USP34: variants seen among roughly 807,000 people sequenced by gnomAD.
USP34 encodes the protein ubiquitin carboxyl-terminal hydrolase 34.
In USP34, 70 loss-of-function variants were observed where a neutral mutation model predicts 460.3. The observed-to-expected ratio is 0.15, with a 90% CI of 0.13 to 0.19. The LOEUF (loss-of-function observed/expected upper bound fraction) is 0.19, where lower values mean the gene tolerates loss of function less well. Ranked by LOEUF, USP34 falls within the 10% of genes least tolerant of loss-of-function variation. USP34 has a pLI of 1.00. For missense variants in USP34, 3,985 were observed against 4,236.2 expected (o/e 0.94, Z 1.65); for synonymous variants, 1,647 against 1,405.3 (o/e 1.17, Z -3.85).
At chr2:61,256,627 T>G in intron 47 of USP34, 149 bp from the exon 48 acceptor site, 1 of 681,380 alleles carries the variant, frequency 1.5e-6, no homozygotes, top group Non-Finnish European at 2.3e-6. Flanking sequence ...AAAACTGTTT[T>G]TCCTCATATT....
At chr2:61,424,667 A>C (rs545851077) in intron 1 of USP34, among the ~76,000 whole-genome samples, 1 of 152,180 alleles carries the variant, frequency 6.6e-6, no homozygotes, top group East Asian at 1.9e-4. Flanking sequence ...CTTGAGCCCA[A>C]GAGTTCAACA....
At chr2:61,227,272 G>A in intron 61 of USP34, 54 bp from the exon 62 acceptor site, 1 of 1,539,028 alleles carries the variant, frequency 6.5e-7, no homozygotes, top group Non-Finnish European at 8.8e-7. Context: ...ATATCATTTT[G>A]AGAACAAATG....
At chr2:61,302,000 A>G (rs1690241937) in intron 27 of USP34, among the ~76,000 whole-genome samples, 2 of 152,204 alleles carry the variant, frequency 1.3e-5, no homozygotes, top group Non-Finnish European at 2.9e-5. Flanking sequence ...GAAAAAAAGG[A>G]AAGGGAAAAG....
intron 33 of USP34, among the ~76,000 whole-genome samples, chr2:61,291,375 C>T (rs532484548): frequency 6.6e-6 from 1 of 152,286 alleles, no homozygotes; most frequent in African/African-American, 2.4e-5. Context: ...CTTTGGTAAA[C>T]TGTTTGGAAA....
chr2:61,359,893 T>G (rs1157049687), intron 10 of USP34, among the ~76,000 whole-genome samples: 5 of 147,118 alleles, frequency 3.4e-5, no homozygotes, highest in Non-Finnish European at 7.5e-5. Context: ...CAAGCAATTC[T>G]CCTGTCTCAG....
At chr2:61,266,976 T>C (rs1420093679) in intron 41 of USP34, among the ~76,000 whole-genome samples, 1 of 152,178 alleles carries the variant, frequency 6.6e-6, no homozygotes, top group Non-Finnish European at 1.5e-5. Flanking sequence ...GCAACTATGG[T>C]GAGTTATCCA....
chr2:61,438,700 C>A (rs1422640993), intron 1 of USP34, among the ~76,000 whole-genome samples: 1 of 152,116 alleles, frequency 6.6e-6, no homozygotes, highest in Non-Finnish European at 1.5e-5. Flanking sequence ...ATGACAAACC[C>A]ACAGCTATCA....
At chr2:61,383,565 TG>T (rs1693041379) in intron 5 of USP34, among the ~76,000 whole-genome samples, 1 of 151,890 alleles carries the variant, frequency 6.6e-6, no homozygotes, top group African/African-American at 2.4e-5. Flanking sequence ...TAGCCGGGCA[TG>T]GTGGCGCGCA....
At position 61,370,381 on chromosome 2, in the gene USP34, A is replaced by G. The variant is rs1312053703; in HGVS notation, c.1191T>C (p.Phe397=). The change falls in exon 10 of 80, where the codon TTT becomes TTC. Residue 397 remains phenylalanine (F), a synonymous_variant. Transcript: ENST00000398571. ...IIKQCQVILN[F]LAAEGRLSTQ... is the part of the protein sequence containing the mutation. ...TACTCAGTCGCCCTTCTGCTGCCAA[A>G]AAATTCAAAATCACTTGGCACTGTT... is the stretch of plus-strand genomic sequence containing the variant. The G allele has an allele frequency of 6.2e-7, 1 of 1,613,994 alleles. No individual in the cohort carries two copies. The highest frequency in any genetic ancestry group is 8.5e-7 in the Non-Finnish European group (1 of 1,179,978).
chr2:61,394,611 T>TA (rs1003217974), intron 5 of USP34, among the ~76,000 whole-genome samples: 30 of 150,490 alleles, frequency 2.0e-4, no homozygotes, highest in Non-Finnish European at 3.8e-4. Flanking sequence ...CTATCTTAGA[T>TA]AAAATAGATA....
intron 1 of USP34, among the ~76,000 whole-genome samples, chr2:61,451,889 T>A (rs912682587): frequency 6.6e-6 from 1 of 151,878 alleles, no homozygotes; most frequent in Non-Finnish European, 1.5e-5. Context: ...AAAGACTTAA[T>A]TGAAAGCCGG....
intron 33 of USP34, among the ~76,000 whole-genome samples, chr2:61,289,381 C>T (rs528848928): frequency 6.6e-6 from 1 of 151,974 alleles, no homozygotes; most frequent in Non-Finnish European, 1.5e-5. Flanking sequence ...TCCATAACCA[C>T]ATTAAAAATA....
chr2:61,386,214 T>C (rs1483081560), intron 5 of USP34, among the ~76,000 whole-genome samples: 1 of 152,030 alleles, frequency 6.6e-6, no homozygotes, highest in Non-Finnish European at 1.5e-5. Flanking sequence ...CTGTAACCAA[T>C]ACTTTTGGAG....
intron 33 of USP34, among the ~76,000 whole-genome samples, chr2:61,291,931 A>ACG (rs1689865344): frequency 1.3e-5 from 2 of 152,180 alleles, no homozygotes; most frequent in African/African-American, 4.8e-5. Flanking sequence ...GAATCTCGAA[A>ACG]ATAGGCTAAG....
intron 1 of USP34, among the ~76,000 whole-genome samples, chr2:61,452,318 CTTTTTTTT>C (rs35104375): frequency 4.4e-5 from 4 of 89,908 alleles, no homozygotes; most frequent in African/African-American, 8.6e-5. Flanking sequence ...ATTCCCGGCA[CTTTTTTTT>C]TTTTTTTTTT....
At chr2:61,397,963 A>C (rs1693586720) in intron 3 of USP34, among the ~76,000 whole-genome samples, 2 of 152,124 alleles carry the variant, frequency 1.3e-5, no homozygotes, top group South Asian at 4.1e-4. Context: ...GCTGCTCAGC[A>C]GACTAAGGCA....
chr2:61,354,189 A>T (rs1218933982), intron 10 of USP34, among the ~76,000 whole-genome samples: 1 of 152,234 alleles, frequency 6.6e-6, no homozygotes, highest in East Asian at 1.9e-4. Context: ...ACACTCAAAA[A>T]GACCCCTATC....
At chr2:61,239,787 T>C (rs182850512) in intron 53 of USP34, among the ~76,000 whole-genome samples, 421 of 152,228 alleles carry the variant, frequency 2.8e-3, no homozygotes, top group Non-Finnish European at 4.4e-3. Flanking sequence ...GATGGGCGGA[T>C]CAGGAGGTCA....
At chr2:61,382,525 C>A (rs1460815864) in intron 6 of USP34, among the ~76,000 whole-genome samples, 2 of 152,200 alleles carry the variant, frequency 1.3e-5, no homozygotes, top group African/African-American at 4.8e-5. Context: ...AACTTACTTG[C>A]ATAGCATTCA....
Sources: gnomAD v4.1 joint callset for allele counts (sites outside exome capture counted in the v4.1 genomes callset) on GRCh38, gnomAD v4.1.1 for gene constraint, MANE v1.5 for transcripts, NCBI Gene and HGNC (gene_info 2026-07-23, HGNC 2026-07-21) for gene names.